Variants in KCNK2 observed in about 807,000 individuals in gnomAD.
KCNK2 encodes the protein potassium two pore domain channel subfamily K member 2.
KCNK2 carries 21 observed loss-of-function variants against 40.5 expected under a neutral mutation model. The observed-to-expected ratio is 0.52, with a 90% CI of 0.37 to 0.75. The LOEUF (loss-of-function observed/expected upper bound fraction) is 0.75. Among genes scored for constraint, KCNK2 ranks in the 30% least tolerant of loss-of-function variants. KCNK2 has a pLI of 0.00. For missense variants in KCNK2, 399 were observed against 531.6 expected (o/e 0.75, Z 2.45); for synonymous variants, 191 against 202.2 (o/e 0.94, Z 0.47).
At chr1:215,165,627 T>G (rs555628927) in intron 3 of KCNK2, among the ~76,000 whole-genome samples, 10 of 152,274 alleles carry the variant, frequency 6.6e-5, no homozygotes, top group African/African-American at 2.4e-4. Context: ...TTTCACATAG[T>G]ACTTTATTTG....
At chr1:215,112,223 G>A (rs1296284021) in intron 2 of KCNK2, among the ~76,000 whole-genome samples, 2 of 151,864 alleles carry the variant, frequency 1.3e-5, no homozygotes, top group Non-Finnish European at 2.9e-5. Context: ...CCCTCCCCTG[G>A]GAGAAACCCA....
intron 2 of KCNK2, among the ~76,000 whole-genome samples, chr1:215,115,818 A>G (rs943103228): frequency 3.9e-5 from 6 of 151,926 alleles, no homozygotes; most frequent in African/African-American, 9.7e-5. Context: ...TAATGGTCCC[A>G]TAAAATATTA....
chr1:215,138,905 G>T (rs532179404), intron 3 of KCNK2, among the ~76,000 whole-genome samples: 28 of 152,234 alleles, frequency 1.8e-4, no homozygotes, highest in African/African-American at 6.7e-4. Flanking sequence ...TAAATTCATG[G>T]AAACTCTAGG....
intron 5 of KCNK2, among the ~76,000 whole-genome samples, chr1:215,181,957 C>A (rs1466830484): frequency 6.6e-6 from 1 of 152,190 alleles, no homozygotes; most frequent in Non-Finnish European, 1.5e-5. Context: ...CAGTGCATGG[C>A]CACTGAGTGT....
intron 3 of KCNK2, among the ~76,000 whole-genome samples, chr1:215,134,441 A>G (rs74140930): frequency 0.015 from 2,284 of 152,228 alleles, 60 homozygotes; most frequent in African/African-American, 0.052. Flanking sequence ...AAAGACATAC[A>G]TAGGGAAAGG....
At position 215,083,199 on chromosome 1, in the gene KCNK2, C is replaced by CCCCCCCCCCCCCCCCCG; in HGVS notation, c.-183_-182insCCCCCCCCCCCCGCCCC. 1 of 685,072 alleles carries CCCCCCCCCCCCCCCCCG rather than the reference C, an allele frequency of 1.5e-6. No homozygotes were observed. The allele number at this position is 685,072 out of a possible 1,614,324, so 42.4% of individuals were successfully genotyped here. A position where few individuals can be genotyped will look rare whatever the true frequency, so the allele number is the denominator to read the frequency against. On this transcript the variant is annotated 5_prime_UTR_variant, in exon 1 of 7. Coordinates refer to ENST00000444842, the MANE Select transcript of KCNK2 (RefSeq NM_001017425.3). Reference sequence around the variant, plus strand: ...GATTTCGTTTCTTCTCACGCTCCCCCCCCCGCCCCCTCCCGCGTCCAGCCC... The same window carrying CCCCCCCCCCCCCCCCCG: ...GATTTCGTTTCTTCTCACGCTCCCCCCCCCCCCCCCCCCCCCGCCCCGCCCCCTCCCGCGTCCAGCCC...
intron 3 of KCNK2, among the ~76,000 whole-genome samples, chr1:215,131,955 T>C (rs2102590376): frequency 6.6e-6 from 1 of 152,302 alleles, no homozygotes; most frequent in East Asian, 1.9e-4. Flanking sequence ...AATCACAGAC[T>C]TACTGCAAAC....
chr1:215,069,827 G>A (rs1658683454), intron 1 of KCNK2, among the ~76,000 whole-genome samples: 3 of 152,144 alleles, frequency 2.0e-5, no homozygotes, highest in African/African-American at 7.2e-5. Context: ...GGATAATGAA[G>A]GTCATGGAGG....
chr1:215,135,860 G>A (rs201020436), intron 3 of KCNK2, among the ~76,000 whole-genome samples: 5 of 151,950 alleles, frequency 3.3e-5, no homozygotes, highest in African/African-American at 9.7e-5. Context: ...TCAGCCTCCC[G>A]AGTAGCTGGG....
chr1:215,143,365 A>G (rs915377899), intron 3 of KCNK2, among the ~76,000 whole-genome samples: 3 of 152,120 alleles, frequency 2.0e-5, no homozygotes, highest in African/African-American at 7.2e-5. Flanking sequence ...TGCCCTTAAC[A>G]TTGTAGGCCT....
In KCNK2 at chr1:215,012,646, GT is replaced by G. The variant is rs34028242; in HGVS notation, c.34+6709del. ...ACCACCACACCCAGCTAATTTTTTA[GT>G]TTTTTTTTTTTTTTTTTCTGTAGAG... On this transcript the variant is annotated intron_variant, in intron 1 of 6. Transcript: ENST00000391895. 4.7e-3 allele frequency among the ~76,000 whole-genome samples: 575 copies of G among 121,704 alleles called. 2 individuals are homozygous for G. Among genetic ancestry groups the G allele is most frequent in the Middle Eastern group, 0.025 (6 of 240 alleles). 79.8% of individuals were successfully genotyped at this position (121,704 alleles called of 152,430 possible). A position where few individuals can be genotyped will look rare whatever the true frequency, so the allele number is the denominator to read the frequency against.
chr1:215,115,827 T>G (rs1167702614), intron 2 of KCNK2, among the ~76,000 whole-genome samples: 1 of 152,040 alleles, frequency 6.6e-6, no homozygotes, highest in African/African-American at 2.4e-5. Context: ...CATAAAATAT[T>G]ATTCCATACA....
At chr1:215,067,843 G>C (rs1166378110) in intron 1 of KCNK2, among the ~76,000 whole-genome samples, 1 of 152,066 alleles carries the variant, frequency 6.6e-6, no homozygotes, top group Non-Finnish European at 1.5e-5. Context: ...CTCCAGCCTT[G>C]GTGACAGAGT....
In KCNK2 at chr1:215,083,337, A is replaced by AG. The variant is rs1233726601; in HGVS notation, c.-48dup. The AG allele has an allele frequency of 6.2e-7, 1 of 1,613,898 alleles. No homozygotes were observed. The highest frequency in any genetic ancestry group is 8.5e-7 in the Non-Finnish European group (1 of 1,179,966). On this transcript the variant is annotated 5_prime_UTR_variant, in exon 1 of 7. Transcript: ENST00000444842. ...GTACAATGGCGTGTTTGTAAAAAAAAGCTTCAAGTCCGTCTTTTTCAAAAA... is the reference window on the plus strand; with the variant it reads ...GTACAATGGCGTGTTTGTAAAAAAAAGGCTTCAAGTCCGTCTTTTTCAAAAA...
intron 6 of KCNK2, among the ~76,000 whole-genome samples, chr1:215,203,231 T>C (rs2102675192): frequency 6.6e-6 from 1 of 152,338 alleles, no homozygotes; most frequent in African/African-American, 2.4e-5. Flanking sequence ...AAGAAATGAT[T>C]TGTATGATTT....
intron 1 of KCNK2, among the ~76,000 whole-genome samples, chr1:215,031,469 T>C (rs1238232158): frequency 3.3e-5 from 5 of 152,148 alleles, no homozygotes. Context: ...TATTTTGGGG[T>C]GCTAATATAA....
At chr1:215,161,027 A>AT (rs1278993750) in intron 3 of KCNK2, among the ~76,000 whole-genome samples, 2 of 152,108 alleles carry the variant, frequency 1.3e-5, no homozygotes, top group Non-Finnish European at 2.9e-5. Flanking sequence ...GAGATCATCC[A>AT]TTACTCATAT....
chr1:215,172,049 T>C lies in KCNK2; in HGVS notation c.689T>C (p.Ile230Thr). The C allele has an allele frequency of 6.2e-7, 1 of 1,613,436 alleles. No homozygotes were observed. ...CGCATCATCTCAACAATCATATTTA[T>C]ACTATTTGGCTGTGTACTCTTTGTG... is the stretch of plus-strand genomic sequence containing the variant. ...KIRIISTIIF[I>T]LFGCVLFVAL... The change falls in exon 5 of 7, where the codon ATA (isoleucine) becomes ACA (threonine). Residue 230 changes from isoleucine to threonine, a missense_variant. Transcript: ENST00000444842.
intron 2 of KCNK2, among the ~76,000 whole-genome samples, chr1:215,105,406 T>C (rs556437169): frequency 6.6e-6 from 1 of 152,224 alleles, no homozygotes; most frequent in Admixed American, 6.6e-5. Context: ...GTAACAGGGT[T>C]TCCTTCCTAT....
Sources: gnomAD v4.1 joint callset for allele counts (sites outside exome capture counted in the v4.1 genomes callset) on GRCh38, gnomAD v4.1.1 for gene constraint, MANE v1.5 for transcripts, NCBI Gene and HGNC (gene_info 2026-07-23, HGNC 2026-07-21) for gene names.